The following FHIT variants were observed in gnomAD, a reference collection of about 807,000 sequenced individuals.
FHIT encodes fragile histidine triad diadenosine triphosphatase.
FHIT carries 19 observed loss-of-function variants against 17.9 expected under a neutral mutation model. The ratio of observed to expected loss-of-function variants is 1.06; its 90% confidence interval spans 0.74 to 1.56. The LOEUF (loss-of-function observed/expected upper bound fraction) is 1.56. FHIT is among the 40% of genes most tolerant of loss of function. The pLI is 0.00. For synonymous variants in FHIT, 81 were observed against 69.7 expected (o/e 1.16, Z -0.81); for missense variants, 248 against 189.2 (o/e 1.31, Z -1.82).
intron 5 of FHIT, among the ~76,000 whole-genome samples, chr3:60,451,323 G>A (rs1195745174): frequency 6.6e-6 from 1 of 151,950 alleles, no homozygotes; most frequent in Non-Finnish European, 1.5e-5. Flanking sequence ...CAGCCTTCCT[G>A]GTTCCCTGTG....
intron 8 of FHIT, among the ~76,000 whole-genome samples, chr3:59,874,586 C>A (rs540003192): frequency 2.0e-5 from 3 of 152,056 alleles, no homozygotes; most frequent in African/African-American, 7.2e-5. Flanking sequence ...CTGAAACGTA[C>A]GATATTACGG....
At chr3:60,027,606 G>A (rs1002732789) in intron 5 of FHIT, among the ~76,000 whole-genome samples, 6 of 151,486 alleles carry the variant, frequency 4.0e-5, no homozygotes, top group East Asian at 3.9e-4. Flanking sequence ...CGAATACTAC[G>A]CCATAGAGTT....
intron 5 of FHIT, among the ~76,000 whole-genome samples, chr3:60,355,797 T>C (rs577417345): frequency 1.4e-3 from 215 of 152,316 alleles, no homozygotes; most frequent in Non-Finnish European, 2.6e-3. Context: ...AAGCTCTTTA[T>C]GTTGTAATTC....
intron 3 of FHIT, among the ~76,000 whole-genome samples, chr3:60,990,058 T>C (rs2030043472): frequency 6.6e-6 from 1 of 152,118 alleles, no homozygotes; most frequent in South Asian, 2.1e-4. Flanking sequence ...CTCCACAGGG[T>C]ACAACAGTCC....
rs150595329 is a variant in FHIT, at chr3:61,076,070, G to C, written c.-163-33971C>G. Among the ~76,000 whole-genome samples the C allele has an allele frequency of 5.2e-3, 798 of 152,214 alleles. 5 individuals carry two copies. The highest frequency in any genetic ancestry group is 0.018 in the African/African-American group (766 of 41,518). ...TTACAGAGAAGGGAAGTAAGCTATA[G>C]ACTAAATGATTACCTAAGGTTATAA... On this transcript the variant is annotated intron_variant, in intron 2 of 9. Transcript: ENST00000492590.
chr3:60,327,348 T>A (rs1036685939), intron 5 of FHIT, among the ~76,000 whole-genome samples: 3 of 152,198 alleles, frequency 2.0e-5, no homozygotes, highest in Non-Finnish European at 4.4e-5. Context: ...TTCAGTAAAG[T>A]GTCAGAGATT....
intron 3 of FHIT, among the ~76,000 whole-genome samples, chr3:60,957,039 C>T (rs1709199227): frequency 6.6e-6 from 1 of 151,964 alleles, no homozygotes; most frequent in Non-Finnish European, 1.5e-5. Flanking sequence ...CTTTACACAC[C>T]CTCCCCATGA....
intron 8 of FHIT, among the ~76,000 whole-genome samples, chr3:59,882,655 A>C (rs1437069964): frequency 6.6e-6 from 1 of 152,216 alleles, no homozygotes; most frequent in Non-Finnish European, 1.5e-5. Context: ...AAATAACTTC[A>C]TATTGGTAGG....
chr3:59,989,241 C>T (rs542458352), intron 7 of FHIT, among the ~76,000 whole-genome samples: 17 of 152,176 alleles, frequency 1.1e-4, no homozygotes, highest in African/African-American at 4.1e-4. Context: ...GGAAACTGAG[C>T]TCTTGAGTTC....
chr3:60,752,856 A>G (rs2042496792), intron 4 of FHIT, among the ~76,000 whole-genome samples: 1 of 152,232 alleles, frequency 6.6e-6, no homozygotes, highest in Non-Finnish European at 1.5e-5. Context: ...TAATGTAGTT[A>G]TTCTGAAAAA....
At chr3:61,041,743 T>C (rs1006891567) in intron 3 of FHIT, among the ~76,000 whole-genome samples, 3 of 151,740 alleles carry the variant, frequency 2.0e-5, no homozygotes, top group Non-Finnish European at 4.4e-5. Context: ...CTCAATGCCC[T>C]TACTTGGAAA....
At chr3:60,307,102 A>C (rs1022617792) in intron 5 of FHIT, among the ~76,000 whole-genome samples, 1 of 152,130 alleles carries the variant, frequency 6.6e-6, no homozygotes, top group Admixed American at 6.6e-5. Context: ...TGAGAACATA[A>C]AATTATGGAC....
chr3:60,056,295 T>G (rs1702077249), intron 5 of FHIT, among the ~76,000 whole-genome samples: 1 of 152,226 alleles, frequency 6.6e-6, no homozygotes, highest in Non-Finnish European at 1.5e-5. Context: ...AAGCTTGGTT[T>G]GCTTCTGGTT....
intron 4 of FHIT, among the ~76,000 whole-genome samples, chr3:60,717,565 A>C (rs1306395993): frequency 6.6e-6 from 1 of 152,208 alleles, no homozygotes; most frequent in East Asian, 1.9e-4. Context: ...CAGGTTGTAC[A>C]CTGCACACCT....
intron 8 of FHIT, among the ~76,000 whole-genome samples, chr3:59,879,729 G>A (rs1189845126): frequency 6.6e-6 from 1 of 152,162 alleles, no homozygotes; most frequent in Admixed American, 6.5e-5. Flanking sequence ...GCAATGATGG[G>A]ATAATCACAG....
intron 4 of FHIT, among the ~76,000 whole-genome samples, chr3:60,586,148 C>T (rs1263769530): frequency 6.6e-6 from 1 of 151,928 alleles, no homozygotes; most frequent in Non-Finnish European, 1.5e-5. Flanking sequence ...ATCCCTCTCA[C>T]ATGAGCACAC....
chr3:59,905,089 G>A (rs564124644), intron 8 of FHIT, among the ~76,000 whole-genome samples: 1 of 152,336 alleles, frequency 6.6e-6, no homozygotes, highest in East Asian at 1.9e-4. Flanking sequence ...TTCCACTTGA[G>A]GTGGGGTTTC....
intron 4 of FHIT, among the ~76,000 whole-genome samples, chr3:60,641,486 A>G (rs1027749705): frequency 6.6e-6 from 1 of 152,144 alleles, no homozygotes; most frequent in Non-Finnish European, 1.5e-5. Context: ...CAGAATTTGC[A>G]TGGCAAGAAT....
chr3:61,180,034 AG>A (rs2038290140), intron 2 of FHIT, among the ~76,000 whole-genome samples: 1 of 152,214 alleles, frequency 6.6e-6, no homozygotes, highest in Non-Finnish European at 1.5e-5. Context: ...CAAGAAGAAA[AG>A]ATACACTGAG....
Sources: gnomAD v4.1 joint callset for allele counts (sites outside exome capture counted in the v4.1 genomes callset) on GRCh38, gnomAD v4.1.1 for gene constraint, MANE v1.5 for transcripts, NCBI Gene and HGNC (gene_info 2026-07-23, HGNC 2026-07-21) for gene names.